The following ABI1 variants were observed in gnomAD, a reference collection of about 807,000 sequenced individuals.
The protein encoded by ABI1 is Abelson interactor 1.
A neutral mutation model predicts 54.6 loss-of-function variants in ABI1; 14 were observed. The ratio of observed to expected loss-of-function variants is 0.26; its 90% CI spans 0.17 to 0.40. ABI1 has a LOEUF of 0.40. ABI1 is among the 10% of genes least tolerant of loss of function. ABI1 has a pLI of 1.00. For missense variants in ABI1, 443 were observed against 598.3 expected (o/e 0.74, Z 2.71); for synonymous variants, 194 against 209.3 (o/e 0.93, Z 0.63).
chr10:26,769,685 C>T (rs2132726390), intron 5 of ABI1, among the ~76,000 whole-genome samples: 1 of 152,298 alleles, frequency 6.6e-6, no homozygotes, highest in East Asian at 1.9e-4. Context: ...GAAGAAGCCA[C>T]TGTTATCTTT....
chr10:26,787,706 T>C (rs1436082636), intron 2 of ABI1, among the ~76,000 whole-genome samples: 3 of 152,156 alleles, frequency 2.0e-5, no homozygotes, highest in African/African-American at 7.2e-5. Context: ...CTTTCATACA[T>C]TTTTCTTCAA....
rs2051196331 is a variant in ABI1 at position 26,860,297 on chromosome 10, C to G, written c.117+450G>C. ...CCCTTCTGCGGCTTCAGCCTCGTCC[C>G]TGCCCTCTCCTCTCCCCTCTCCCGT... On this transcript the variant is annotated intron_variant, in intron 1 of 10. Coordinates refer to ENST00000376140, the MANE Select transcript of ABI1 (RefSeq NM_001012750.3). The surrounding 1 kb of genome is among the most constrained non-coding windows in gnomAD (Gnocchi z 4.1). 6.6e-6 allele frequency among the ~76,000 whole-genome samples: 1 copy of G among 152,178 alleles called. No individual in the cohort carries two copies.
At position 26,747,559 on chromosome 10, in the gene ABI1, C is replaced by CA; in HGVS notation, c.*1010dup. The CA allele has an allele frequency of 4.9e-6, 1 of 203,142 alleles. No homozygotes were observed. Among genetic ancestry groups the CA allele is most frequent in the Non-Finnish European group, 1.0e-5 (1 of 99,014 alleles). The allele number at this position is 203,142 out of a possible 1,614,324, so 12.6% of individuals were successfully genotyped here. ...AACTTCCTTTCATTGAACCAGTGTA[C>CA]AACAGTTCACTGTACAACTGAAGGA... is the stretch of plus-strand genomic sequence containing the variant. On this transcript the variant is annotated 3_prime_UTR_variant, in exon 11 of 11. Coordinates refer to ENST00000376140, the MANE Select transcript of ABI1 (RefSeq NM_001012750.3).
At chr10:26,791,643 G>C (rs960867432) in intron 2 of ABI1, among the ~76,000 whole-genome samples, 3 of 152,110 alleles carry the variant, frequency 2.0e-5, no homozygotes, top group Admixed American at 6.6e-5. Context: ...GAAGATAGTA[G>C]GGTTCTTACA....
chr10:26,764,779 AT>A (rs1192487079), intron 7 of ABI1, among the ~76,000 whole-genome samples: 3 of 152,198 alleles, frequency 2.0e-5, no homozygotes, highest in African/African-American at 7.2e-5. Context: ...AGCACTTAAT[AT>A]TTTATTAGGT....
At chr10:26,796,884 G>GGA (rs1412852553) in intron 2 of ABI1, among the ~76,000 whole-genome samples, 1 of 152,244 alleles carries the variant, frequency 6.6e-6, no homozygotes, top group African/African-American at 2.4e-5. Context: ...ATTCTCATAA[G>GGA]GAGCATGCAA....
At chr10:26,772,525 A>T (rs1840820891) in intron 3 of ABI1, among the ~76,000 whole-genome samples, 1 of 152,176 alleles carries the variant, frequency 6.6e-6, no homozygotes, top group Non-Finnish European at 1.5e-5. Flanking sequence ...AAGAAGAATT[A>T]GATTGGGAAT....
At chr10:26,856,161 C>T (rs1331229749) in intron 1 of ABI1, among the ~76,000 whole-genome samples, 1 of 149,842 alleles carries the variant, frequency 6.7e-6, no homozygotes, top group African/African-American at 2.5e-5. Flanking sequence ...TGGCATGCAC[C>T]TGTATTCCCA....
intron 2 of ABI1, among the ~76,000 whole-genome samples, chr10:26,814,305 C>T (rs998270615): frequency 1.3e-5 from 2 of 152,166 alleles, no homozygotes; most frequent in Admixed American, 6.5e-5. Context: ...CCTACGACTT[C>T]AGGCAAATCA....
At chr10:26,836,490 G>C (rs1274435982) in intron 1 of ABI1, among the ~76,000 whole-genome samples, 1 of 152,130 alleles carries the variant, frequency 6.6e-6, no homozygotes, top group Non-Finnish European at 1.5e-5. Flanking sequence ...GATATAATTA[G>C]TACCTGTACA....
intron 1 of ABI1, among the ~76,000 whole-genome samples, chr10:26,858,881 G>A (rs2051072202): frequency 6.6e-6 from 1 of 151,986 alleles, no homozygotes; most frequent in South Asian, 2.1e-4. Flanking sequence ...AAACAAAAAG[G>A]AGCCACCCCT....
intron 2 of ABI1, chr10:26,789,070 A>G (rs1843086547): frequency 1.3e-5 from 2 of 152,110 alleles, no homozygotes; most frequent in Admixed American, 1.3e-4. Context: ...GTACAGAGGC[A>G]AAGGGAAGAG....
chr10:26,841,453 C>A (rs927483802), intron 1 of ABI1, among the ~76,000 whole-genome samples: 2 of 134,280 alleles, frequency 1.5e-5, no homozygotes, highest in African/African-American at 5.4e-5. Context: ...AAAATCTATT[C>A]ATTTAGCAGG....
chr10:26,858,126 T>C (rs1304082288), intron 1 of ABI1, among the ~76,000 whole-genome samples: 1 of 152,132 alleles, frequency 6.6e-6, no homozygotes, highest in Non-Finnish European at 1.5e-5. Context: ...TCACCTTATT[T>C]AAAAATTCTC....
intron 2 of ABI1, chr10:26,788,912 C>CAAAAAA (rs56220406): frequency 7.7e-5 from 4 of 51,996 alleles, no homozygotes; most frequent in African/African-American, 2.4e-4. Context: ...GACTCCGTCT[C>CAAAAAA]AAAAAAAAAA....
At chr10:26,782,447 A>G (rs959223334) in intron 2 of ABI1, among the ~76,000 whole-genome samples, 2 of 152,168 alleles carry the variant, frequency 1.3e-5, no homozygotes, top group Non-Finnish European at 2.9e-5. Flanking sequence ...AATAGAGGCC[A>G]GGCACAGTGG....
At position 26,765,275 on chromosome 10, in the gene ABI1, T is replaced by A. The variant is rs771562690; in HGVS notation, c.763A>T (p.Ser255Cys). 2.5e-6 allele frequency: 4 copies of A among 1,596,936 alleles called. No individual in the cohort carries two copies. The highest frequency in any genetic ancestry group is 3.4e-6 in the Non-Finnish European group (4 of 1,175,600). The change falls in exon 7 of 11, where the codon AGT becomes TGT. Residue 255 changes from serine to cysteine, a missense_variant. Ser to Cys is a moderately radical substitution (Grantham distance 112). Transcript: ENST00000376140. ...GSGSRENSGS[S>C]SIGIPIAVPT... ...ACAGCAATGGGAATGCCAATACTAC[T>A]GCTACCACTGTTTTCTCGACTTCCA...
At chr10:26,850,704 A>G (rs2050318262) in intron 1 of ABI1, among the ~76,000 whole-genome samples, 1 of 151,668 alleles carries the variant, frequency 6.6e-6, no homozygotes, top group African/African-American at 2.4e-5. Flanking sequence ...CCAGGTTTTC[A>G]GTGAGTGGGT....
intron 7 of ABI1, among the ~76,000 whole-genome samples, chr10:26,764,798 G>C (rs950044058): frequency 1.3e-5 from 2 of 152,142 alleles, no homozygotes; most frequent in African/African-American, 4.8e-5. Context: ...GGTATTACAA[G>C]TAATCTAGAG....
Sources: allele counts gnomAD v4.1 joint callset (sites outside exome capture counted in the v4.1 genomes callset), GRCh38; gene constraint gnomAD v4.1.1; non-coding constraint Gnocchi (gnomAD v3.1); transcripts MANE v1.5; gene names NCBI Gene and HGNC (gene_info 2026-07-23, HGNC 2026-07-21).